The following FOCAD variants were observed in gnomAD, a reference collection of about 807,000 sequenced individuals.
The protein encoded by FOCAD is focadhesin.
FOCAD carries 198 observed loss-of-function variants against 225.6 expected under a neutral mutation model. The observed-to-expected ratio is 0.88, with a 90% CI of 0.78 to 0.99. The LOEUF (loss-of-function observed/expected upper bound fraction) is 0.99, where lower values mean the gene tolerates loss of function less well. Ranked by LOEUF, FOCAD falls within the 50% of genes least tolerant of loss-of-function variation. The pLI, the probability that FOCAD is intolerant of heterozygous loss-of-function variation, is 0.00. For missense variants in FOCAD, 2,713 were observed against 2,123.6 expected, an observed-to-expected ratio of 1.28 and a Z score of -5.46; for synonymous variants, 897 against 755.0, an observed-to-expected ratio of 1.19 and a Z score of -3.08.
In FOCAD at chr9:20,810,736, TAGTC is replaced by T. The variant is rs1053888788; in HGVS notation, c.1456-9057_1456-9054del. On this transcript the variant is annotated intron_variant, in intron 11 of 43. Coordinates refer to ENST00000338382, the MANE Select transcript of FOCAD (RefSeq NM_001375567.1). ...TAAGTTTTCTGACTCTGAGAGATAA[TAGTC>T]AGATGGCTAATGAGACTCACCTGGA... is the stretch of plus-strand genomic sequence containing the variant. Among the ~76,000 whole-genome samples, 32 of 152,176 alleles carry T rather than the reference TAGTC, an allele frequency of 2.1e-4. 1 individual carries two copies. Among genetic ancestry groups the T allele is most frequent in the Middle Eastern group, 3.4e-3 (1 of 294 alleles).
chr9:20,772,902 A>G (rs1178022855), intron 8 of FOCAD, among the ~76,000 whole-genome samples: 2 of 151,498 alleles, frequency 1.3e-5, no homozygotes, highest in African/African-American at 4.8e-5. Flanking sequence ...TAGTAGATAT[A>G]TATATGTATA....
intron 19 of FOCAD, among the ~76,000 whole-genome samples, chr9:20,880,657 G>T (rs1375453451): frequency 6.6e-6 from 1 of 152,124 alleles, no homozygotes; most frequent in African/African-American, 2.4e-5. Flanking sequence ...ATCTAGGAGG[G>T]TCCTGTCAGA....
At chr9:20,725,927 GA>G (rs751891069) in intron 4 of FOCAD, among the ~76,000 whole-genome samples, 1 of 151,952 alleles carries the variant, frequency 6.6e-6, no homozygotes, top group Non-Finnish European at 1.5e-5. Flanking sequence ...TGTAAACAAA[GA>G]AATGGATTTA....
intron 20 of FOCAD, among the ~76,000 whole-genome samples, chr9:20,882,293 G>T (rs1830738858): frequency 6.6e-6 from 1 of 152,198 alleles, no homozygotes. Context: ...TCCCCACCTT[G>T]GGGGATACCC....
intron 28 of FOCAD, among the ~76,000 whole-genome samples, chr9:20,942,685 C>T (rs549643268): frequency 3.9e-5 from 6 of 152,030 alleles, no homozygotes; most frequent in Non-Finnish European, 8.8e-5. Context: ...TGGTTGAGTG[C>T]CTGTATACGC....
At chr9:20,748,168 A>T (rs1828226996) in intron 5 of FOCAD, among the ~76,000 whole-genome samples, 1 of 152,136 alleles carries the variant, frequency 6.6e-6, no homozygotes, top group Non-Finnish European at 1.5e-5. Flanking sequence ...TCAAGCTGCC[A>T]TAAGGGATTG....
At chr9:20,843,300 A>G (rs542128439) in intron 15 of FOCAD, among the ~76,000 whole-genome samples, 2 of 152,136 alleles carry the variant, frequency 1.3e-5, no homozygotes, top group African/African-American at 4.8e-5. Flanking sequence ...TTTGATGTTG[A>G]TGAAATCCCT....
chr9:20,734,045 C>T (rs944339160), intron 4 of FOCAD, among the ~76,000 whole-genome samples: 6 of 152,106 alleles, frequency 3.9e-5, no homozygotes, highest in Admixed American at 6.6e-5. Context: ...AAGTCTTTTT[C>T]GCACTTTGAG....
At chr9:20,670,716 A>G (rs1308149913) in intron 2 of FOCAD, among the ~76,000 whole-genome samples, 1 of 152,094 alleles carries the variant, frequency 6.6e-6, no homozygotes, top group Non-Finnish European at 1.5e-5. Context: ...AAACCATATC[A>G]TCTGTATTTT....
intron 15 of FOCAD, among the ~76,000 whole-genome samples, chr9:20,825,146 C>CGTGTGTGTGTGTGTGT (rs10562859): frequency 7.2e-6 from 1 of 138,990 alleles, no homozygotes; most frequent in African/African-American, 2.7e-5. Context: ...TCAAGCTTTG[C>CGTGTGTGTGTGTGTGT]GTGTGTGTGT....
At chr9:20,783,168 A>C (rs1299229218) in intron 10 of FOCAD, among the ~76,000 whole-genome samples, 1 of 152,180 alleles carries the variant, frequency 6.6e-6, no homozygotes, top group Non-Finnish European at 1.5e-5. Context: ...ACTCTAATAC[A>C]TAAGTACTTG....
rs1819925214 is a variant in FOCAD, at chr9:20,786,413, ATC to A, written c.1198-2933_1198-2932del. ...CTTGGTTATAACCAACCACTCCCAA[ATC>A]TCTCAGCTCTTGTCTAGAGTCTTCA... On this transcript the variant is annotated intron_variant, in intron 10 of 43. Transcript: ENST00000338382. Among the ~76,000 whole-genome samples the A allele has an allele frequency of 1.2e-4, 19 of 152,266 alleles. No homozygotes were observed. In the South Asian group the frequency reaches 3.9e-3, roughly 32 times the overall value.
chr9:20,946,053 A>G (rs1024278133), intron 29 of FOCAD, among the ~76,000 whole-genome samples: 1 of 150,768 alleles, frequency 6.6e-6, no homozygotes, highest in Non-Finnish European at 1.5e-5. Flanking sequence ...CTCCATTCCC[A>G]CCATTGTTTT....
In FOCAD at chr9:20,765,324, A is replaced by G. The variant is rs562790906; in HGVS notation, c.699+251A>G. 7.2e-5 allele frequency among the ~76,000 whole-genome samples: 11 copies of G among 152,350 alleles called. 1 individual carries two copies. The East Asian group carries it at 1.9e-3, about 27-fold the overall frequency. On this transcript the variant is annotated intron_variant, in intron 7 of 43. Coordinates refer to ENST00000338382, the MANE Select transcript of FOCAD (RefSeq NM_001375567.1). Reference sequence around the variant, plus strand: ...ATAGTCCATTCTGGGAATAGCAAGCATGAAAACTTTCCTTTGTTTAAGAAA... The same window carrying G: ...ATAGTCCATTCTGGGAATAGCAAGCGTGAAAACTTTCCTTTGTTTAAGAAA...
At chr9:20,993,979 C>A (rs1423642607) in intron 43 of FOCAD, among the ~76,000 whole-genome samples, 1 of 152,076 alleles carries the variant, frequency 6.6e-6, no homozygotes. Flanking sequence ...TTATATTTTC[C>A]ATAAGAAGTT....
intron 15 of FOCAD, among the ~76,000 whole-genome samples, chr9:20,858,364 C>T (rs1388537343): frequency 6.6e-6 from 1 of 151,944 alleles, no homozygotes; most frequent in African/African-American, 2.4e-5. Flanking sequence ...CTGGGTTTTC[C>T]AATTTATTGT....
intron 2 of FOCAD, among the ~76,000 whole-genome samples, chr9:20,669,446 A>T (rs1188305990): frequency 6.6e-6 from 1 of 152,188 alleles, no homozygotes. Context: ...TCAAGATTGG[A>T]TATGTGTTGC....
At chr9:20,795,784 G>GAAAAAA (rs1161085446) in intron 11 of FOCAD, among the ~76,000 whole-genome samples, 3 of 42,404 alleles carry the variant, frequency 7.1e-5, no homozygotes, top group Middle Eastern at 0.014. Context: ...ACTCTGTCTC[G>GAAAAAA]AAAAAAAAAA....
intron 39 of FOCAD, among the ~76,000 whole-genome samples, chr9:20,984,955 C>T (rs1405688162): frequency 6.6e-6 from 1 of 152,196 alleles, no homozygotes; most frequent in Non-Finnish European, 1.5e-5. Flanking sequence ...CATCCACCAT[C>T]ATGCCTGGCT....
Sources: gnomAD v4.1 joint callset for allele counts (sites outside exome capture counted in the v4.1 genomes callset) on GRCh38, gnomAD v4.1.1 for gene constraint, MANE v1.5 for transcripts, NCBI Gene and HGNC (gene_info 2026-07-23, HGNC 2026-07-21) for gene names.